The following SH2D4A variants were observed in gnomAD, a reference collection of about 807,000 sequenced individuals.
The protein encoded by SH2D4A is SH2 domain-containing protein 4A.
A neutral mutation model predicts 64.7 loss-of-function variants in SH2D4A; 70 were observed. The observed-to-expected ratio is 1.08, with a 90% CI of 0.89 to 1.32. The LOEUF is 1.32. SH2D4A is among the 40% of genes most tolerant of loss of function. The probability of loss-of-function intolerance (pLI) is 0.00; values close to 1 mark genes in which losing one functional copy is unlikely to be tolerated. For missense variants in SH2D4A, 706 were observed against 540.1 expected, an observed-to-expected ratio of 1.31 and a Z score of -3.04; for synonymous variants, 268 against 200.7, an observed-to-expected ratio of 1.34 and a Z score of -2.83.
chr8:19,350,053 C>G (rs1035863061), intron 4 of SH2D4A, among the ~76,000 whole-genome samples: 2 of 152,206 alleles, frequency 1.3e-5, no homozygotes, highest in African/African-American at 4.8e-5. Flanking sequence ...TCCATTTCAT[C>G]AGGACTTCCT....
chr8:19,316,032 G>T (rs1585138094), intron 1 of SH2D4A, among the ~76,000 whole-genome samples: 1 of 152,160 alleles, frequency 6.6e-6, no homozygotes, highest in African/African-American at 2.4e-5. Flanking sequence ...AGTGCCTCTG[G>T]GTGTCTTGGG....
intron 2 of SH2D4A, among the ~76,000 whole-genome samples, chr8:19,332,137 T>TA (rs2052372401): frequency 6.6e-6 from 1 of 151,982 alleles, no homozygotes; most frequent in South Asian, 2.1e-4. Context: ...ACAATATAAA[T>TA]AAAATAATAA....
intron 1 of SH2D4A, among the ~76,000 whole-genome samples, chr8:19,316,098 G>T (rs1303577649): frequency 6.6e-6 from 1 of 152,108 alleles, no homozygotes; most frequent in African/African-American, 2.4e-5. Context: ...GGGGGTTAGG[G>T]GTTGGGAATT....
In SH2D4A at chr8:19,319,698, T is replaced by A. The variant is rs760460096; in HGVS notation, c.151T>A (p.Ser51Thr). The A allele has an allele frequency of 1.9e-6, 3 of 1,594,874 alleles. No individual in the cohort carries two copies. Among genetic ancestry groups the A allele is most frequent in the Admixed American group, 3.5e-5 (2 of 56,346 alleles). ...EREAAMERKE[S>T]LPVKPRPKKE... ...AGAAGCAGCTATGGAAAGAAAGGAG[T>A]CCCTGCCAGTGAAACCCAGACCAAA... The change falls in exon 2 of 10, where the codon TCC (serine) becomes ACC (threonine). Residue 51 changes from serine (S) to threonine (T), a missense_variant. By Grantham distance (58) the Ser-to-Thr change is moderately conservative. Transcript: ENST00000265807.
intron 4 of SH2D4A, 45 bp from the exon 5 acceptor site, chr8:19,357,158 C>T: frequency 1.4e-6 from 2 of 1,418,794 alleles, no homozygotes; most frequent in Non-Finnish European, 2.0e-6. Context: ...TATGAAACTG[C>T]ACTGCAGCTC....
chr8:19,323,174 C>G (rs865909528), intron 2 of SH2D4A, among the ~76,000 whole-genome samples: 28 of 151,946 alleles, frequency 1.8e-4, no homozygotes, highest in African/African-American at 6.8e-4. Flanking sequence ...AGTGCAGTCA[C>G]CACAAGCCAC....
intron 4 of SH2D4A, among the ~76,000 whole-genome samples, chr8:19,339,951 A>T (rs1282462501): frequency 6.6e-6 from 1 of 152,158 alleles, no homozygotes; most frequent in Non-Finnish European, 1.5e-5. Context: ...CTCTCATGAT[A>T]TTTTGGTTGG....
intron 4 of SH2D4A, among the ~76,000 whole-genome samples, chr8:19,340,601 C>CTG (rs750806044): frequency 9.9e-6 from 1 of 100,532 alleles, no homozygotes; most frequent in Admixed American, 1.0e-4. Flanking sequence ...TTCTTTCTTT[C>CTG]TTTTTTTTTT....
intron 4 of SH2D4A, among the ~76,000 whole-genome samples, chr8:19,355,495 C>T (rs2052777918): frequency 1.3e-5 from 2 of 152,082 alleles, no homozygotes; most frequent in Admixed American, 1.3e-4. Context: ...AATTGTGAAA[C>T]CTACAGGATT....
intron 8 of SH2D4A, among the ~76,000 whole-genome samples, chr8:19,384,136 A>G (rs2053344949): frequency 6.6e-6 from 1 of 152,164 alleles, no homozygotes; most frequent in Non-Finnish European, 1.5e-5. Context: ...AAACTGCCCT[A>G]TGTTATTTCT....
At chr8:19,319,306 T>C in intron 1 of SH2D4A, 38 bp from the exon 2 acceptor site, 1 of 1,177,130 alleles carries the variant, frequency 8.5e-7, no homozygotes, top group Admixed American at 4.6e-5. Context: ...CCACACATTT[T>C]AACACGCTGC....
Position 19,357,247 on chromosome 8 carries a change from TTCAA to T in SH2D4A, c.565_568del (p.Asn189ValfsTer2). 4 of 1,614,104 alleles carry T rather than the reference TTCAA, an allele frequency of 2.5e-6. No individual in the cohort carries two copies. The highest frequency in any genetic ancestry group is 3.3e-4 in the Middle Eastern group (2 of 6,062). ...GAAATATTCAACAAATGTTGGCAGA[TTCAA>T]TCAATCGTATGAAGGCATATGCATT... On this transcript the variant is annotated frameshift_variant, in exon 5 of 10. Coordinates refer to ENST00000265807, the MANE Select transcript of SH2D4A (RefSeq NM_022071.4). LOFTEE classifies it high-confidence loss of function.
At chr8:19,366,259 ACT>A (rs913069611) in intron 7 of SH2D4A, among the ~76,000 whole-genome samples, 6 of 152,168 alleles carry the variant, frequency 3.9e-5, no homozygotes, top group Non-Finnish European at 7.3e-5. Context: ...AATCAGTATA[ACT>A]CACATATGAA....
rs1211782515 is a variant in SH2D4A at position 19,357,939 on chromosome 8, GC to G, written c.594+657del. Among the ~76,000 whole-genome samples the G allele has an allele frequency of 7.9e-5, 12 of 152,074 alleles. 1 individual carries two copies. Among genetic ancestry groups the G allele is most frequent in the Non-Finnish European group, 4.4e-5 (3 of 68,024 alleles). ...GTGAAGAGAAGGTTCCTGAGATCGG[GC>G]TGTGGTGGAGGTCAGGCCAGGGACC... On this transcript the variant is annotated intron_variant, in intron 5 of 9. Coordinates refer to ENST00000265807, the MANE Select transcript of SH2D4A (RefSeq NM_022071.4).
At position 19,373,633 on chromosome 8, in the gene SH2D4A, TCA is replaced by T; in HGVS notation, c.1022_1023del (p.Ser341Ter). On this transcript the variant is annotated frameshift_variant, in exon 8 of 10. Transcript: ENST00000265807. LOFTEE classifies it high-confidence loss of function. ...LPLRAGYQKT[S>X]DTIAPWFHGI... ...ACTTCGAGCGGGCTACCAGAAAACC[TCA>T]GACACCATAGCCCCCTGGTTCCATG... is the stretch of plus-strand genomic sequence containing the variant. 1 of 1,613,240 alleles carries T rather than the reference TCA, an allele frequency of 6.2e-7. No homozygotes were observed. Among genetic ancestry groups the T allele is most frequent in the South Asian group, 1.1e-5 (1 of 91,040 alleles).
intron 7 of SH2D4A, among the ~76,000 whole-genome samples, chr8:19,372,364 G>C (rs1169857505): frequency 6.6e-6 from 1 of 152,146 alleles, no homozygotes; most frequent in East Asian, 1.9e-4. Flanking sequence ...AGGGTACAGG[G>C]GCTGTGTGGG....
intron 4 of SH2D4A, among the ~76,000 whole-genome samples, chr8:19,352,819 C>A (rs2052728983): frequency 6.6e-6 from 1 of 151,966 alleles, no homozygotes; most frequent in Non-Finnish European, 1.5e-5. Context: ...CCAGCCTGGG[C>A]AATATAGTGA....
intron 8 of SH2D4A, among the ~76,000 whole-genome samples, chr8:19,388,258 C>G (rs770038540): frequency 4.6e-5 from 7 of 152,236 alleles, no homozygotes; most frequent in Non-Finnish European, 7.3e-5. Context: ...AGCTTGGGCA[C>G]TTGCCTTTTC....
intron 2 of SH2D4A, among the ~76,000 whole-genome samples, chr8:19,323,700 G>A (rs1286172511): frequency 6.6e-6 from 1 of 152,162 alleles, no homozygotes; most frequent in African/African-American, 2.4e-5. Context: ...TTTTTTTAAT[G>A]TGGCTACTAG....
Sources: gnomAD v4.1 joint callset for allele counts (sites outside exome capture counted in the v4.1 genomes callset) on GRCh38, gnomAD v4.1.1 for gene constraint, MANE v1.5 for transcripts, NCBI Gene and HGNC (gene_info 2026-07-23, HGNC 2026-07-21) for gene names.